PKNOX2: variants seen among roughly 807,000 people sequenced by gnomAD.
PKNOX2 encodes the protein homeobox protein PKNOX2.
A neutral mutation model predicts 53.1 loss-of-function variants in PKNOX2; 14 were observed. The ratio of observed to expected loss-of-function variants is 0.26; its 90% CI spans 0.17 to 0.41. The LOEUF (loss-of-function observed/expected upper bound fraction) is 0.41. Ranked by LOEUF, PKNOX2 falls within the 10% of genes least tolerant of loss-of-function variation. The pLI is 1.00. For missense variants in PKNOX2, 496 were observed against 602.8 expected, an observed-to-expected ratio of 0.82 and a Z score of 1.85; for synonymous variants, 257 against 242.8, an observed-to-expected ratio of 1.06 and a Z score of -0.54.
At chr11:125,254,022 C>T (rs1944209818) in intron 2 of PKNOX2, among the ~76,000 whole-genome samples, 1 of 152,126 alleles carries the variant, frequency 6.6e-6, no homozygotes, top group Non-Finnish European at 1.5e-5. Flanking sequence ...TGATGAGGTT[C>T]TTATGTAACA....
At chr11:125,230,000 T>C (rs958210795) in intron 1 of PKNOX2, among the ~76,000 whole-genome samples, 3 of 152,228 alleles carry the variant, frequency 2.0e-5, no homozygotes, top group African/African-American at 7.2e-5. Flanking sequence ...ACTGCCAGCA[T>C]TCCTAAGATA....
At chr11:125,372,089 A>G (rs1338635323) in intron 5 of PKNOX2, among the ~76,000 whole-genome samples, 1 of 152,208 alleles carries the variant, frequency 6.6e-6, no homozygotes. Flanking sequence ...CGAAGTAGCT[A>G]CTGCATCAAA....
chr11:125,319,802 A>C (rs1949410876), intron 2 of PKNOX2, among the ~76,000 whole-genome samples: 1 of 152,224 alleles, frequency 6.6e-6, no homozygotes, highest in Non-Finnish European at 1.5e-5. Flanking sequence ...TTCCAGGAAC[A>C]TGGGTAGCTT....
At chr11:125,242,105 AG>A (rs1472682858) in intron 2 of PKNOX2, among the ~76,000 whole-genome samples, 1 of 152,146 alleles carries the variant, frequency 6.6e-6, no homozygotes, top group Non-Finnish European at 1.5e-5. Context: ...CAAGATGAGT[AG>A]GGGCACTTCA....
At chr11:125,196,097 G>T (rs1190005408) in intron 1 of PKNOX2, among the ~76,000 whole-genome samples, 1 of 152,126 alleles carries the variant, frequency 6.6e-6, no homozygotes, top group East Asian at 1.9e-4. Flanking sequence ...ATGGGGATCT[G>T]TGTCAAGATC....
At chr11:125,177,978 C>CA (rs1955826546) in intron 1 of PKNOX2, among the ~76,000 whole-genome samples, 1 of 152,168 alleles carries the variant, frequency 6.6e-6, no homozygotes, top group South Asian at 2.1e-4. Flanking sequence ...AGGAAATGAA[C>CA]ATTTATGAAT....
chr11:125,350,194 G>A (rs1951218649), intron 3 of PKNOX2, among the ~76,000 whole-genome samples: 1 of 152,180 alleles, frequency 6.6e-6, no homozygotes, highest in Admixed American at 6.5e-5. Flanking sequence ...ATATTTCAGA[G>A]CATCTACTGC....
At chr11:125,326,354 C>G (rs1949819464) in intron 2 of PKNOX2, among the ~76,000 whole-genome samples, 1 of 151,832 alleles carries the variant, frequency 6.6e-6, no homozygotes, top group Non-Finnish European at 1.5e-5. Context: ...GGAACTCACA[C>G]AGGGGGTGTG....
chr11:125,401,631 C>T (rs577210838), intron 7 of PKNOX2, among the ~76,000 whole-genome samples: 6 of 152,120 alleles, frequency 3.9e-5, no homozygotes, highest in Non-Finnish European at 5.9e-5. Context: ...AGGTAGGGGC[C>T]GGGCTTGCAT....
intron 4 of PKNOX2, among the ~76,000 whole-genome samples, chr11:125,353,996 T>C (rs1951460869): frequency 6.6e-6 from 1 of 152,116 alleles, no homozygotes; most frequent in African/African-American, 2.4e-5. Context: ...GAAAGGCTGT[T>C]CTCTCCAAAG....
chr11:125,358,461 T>G (rs1211133863), intron 4 of PKNOX2, among the ~76,000 whole-genome samples: 1 of 152,224 alleles, frequency 6.6e-6, no homozygotes. Flanking sequence ...CTCCTGTCAG[T>G]GACAGCCCAG....
At chr11:125,345,983 C>T (rs1403951969) in intron 3 of PKNOX2, among the ~76,000 whole-genome samples, 1 of 152,120 alleles carries the variant, frequency 6.6e-6, no homozygotes, top group Non-Finnish European at 1.5e-5. Flanking sequence ...ATTTTGGACG[C>T]GGCGTTGGGG....
chr11:125,283,300 A>G (rs1268246418), intron 2 of PKNOX2, among the ~76,000 whole-genome samples: 31 of 152,254 alleles, frequency 2.0e-4, no homozygotes. Context: ...AGGGAAATGA[A>G]TGGGTAAGTG....
chr11:125,237,094 C>A (rs1027089316), intron 2 of PKNOX2, among the ~76,000 whole-genome samples: 1 of 152,224 alleles, frequency 6.6e-6, no homozygotes, highest in Admixed American at 6.5e-5. Flanking sequence ...CATCCAAAGG[C>A]TTGCTCCCTC....
chr11:125,322,737 G>C (rs1324483787), intron 2 of PKNOX2, among the ~76,000 whole-genome samples: 2 of 152,156 alleles, frequency 1.3e-5, no homozygotes, highest in African/African-American at 2.4e-5. Flanking sequence ...AGAGTGTGCA[G>C]GTCACCTTTC....
intron 10 of PKNOX2, among the ~76,000 whole-genome samples, chr11:125,416,357 G>T (rs1955886394): frequency 6.7e-6 from 1 of 149,836 alleles, no homozygotes; most frequent in East Asian, 1.9e-4. Flanking sequence ...TGACGTTTGG[G>T]AACTAATCTG....
intron 2 of PKNOX2, among the ~76,000 whole-genome samples, chr11:125,252,003 T>A (rs1231011910): frequency 6.6e-6 from 1 of 152,094 alleles, no homozygotes; most frequent in South Asian, 2.1e-4. Flanking sequence ...TTTTGGAGCT[T>A]ATAGAACGGT....
At chr11:125,212,762 G>A (rs1433800663) in intron 1 of PKNOX2, among the ~76,000 whole-genome samples, 8 of 151,928 alleles carry the variant, frequency 5.3e-5, no homozygotes, top group Non-Finnish European at 7.4e-5. Flanking sequence ...CCTCTTGACC[G>A]GTTCTACAGT....
intron 1 of PKNOX2, among the ~76,000 whole-genome samples, chr11:125,188,861 T>C (rs574391079): frequency 6.6e-6 from 1 of 152,102 alleles, no homozygotes; most frequent in Admixed American, 6.5e-5. Context: ...CGCCGCCTTT[T>C]TTTTTTCTTT....
Sources: gnomAD v4.1 joint callset for allele counts (sites outside exome capture counted in the v4.1 genomes callset) on GRCh38, gnomAD v4.1.1 for gene constraint, MANE v1.5 for transcripts, NCBI Gene and HGNC (gene_info 2026-07-23, HGNC 2026-07-21) for gene names.